Variants in TENM3 observed in about 807,000 individuals in gnomAD.
The protein encoded by TENM3 is teneurin-3.
TENM3 carries 63 observed loss-of-function variants against 255.1 expected under a neutral mutation model. The ratio of observed to expected loss-of-function variants is 0.25; its 90% confidence interval spans 0.20 to 0.30. The LOEUF (loss-of-function observed/expected upper bound fraction) is 0.30, where lower values mean the gene tolerates loss of function less well. Ranked by LOEUF, TENM3 falls within the 10% of genes least tolerant of loss-of-function variation. The pLI, the probability that TENM3 is intolerant of heterozygous loss-of-function variation, is 1.00. For missense variants in TENM3, 2,929 were observed against 3,461.1 expected (o/e 0.85, Z 3.86); for synonymous variants, 1,306 against 1,322.3 (o/e 0.99, Z 0.27).
intron 13 of TENM3, among the ~76,000 whole-genome samples, chr4:182,719,260 T>C (rs970615632): frequency 0.08 from 9,840 of 123,704 alleles, 595 homozygotes; most frequent in Non-Finnish European, 0.11. Flanking sequence ...TTCTTTTTTT[T>C]TTTTTTTTTT....
At chr4:181,803,868 A>G in the TENM3 span, among the ~76,000 whole-genome samples, 1 of 150,564 alleles carries the variant, frequency 6.6e-6, no homozygotes, top group Non-Finnish European at 1.5e-5. Context: ...CCAGGAGGTC[A>G]GCGCTGCAGT....
At chr4:181,758,182 T>C in the TENM3 span, among the ~76,000 whole-genome samples, 2 of 152,222 alleles carry the variant, frequency 1.3e-5, no homozygotes, top group Non-Finnish European at 2.9e-5. Context: ...TAAAAATGCT[T>C]AGTGAGAATC....
At position 182,161,837 on chromosome 4, in the gene TENM3, G is replaced by GTATATATATACAAATATATA. The variant is rs774667791; in HGVS notation, c.-76+17084_-76+17085insATATATATACAAATATATAT. The stretch of plus-strand genomic sequence containing the variant: ...TATGTATATATATACACATATATAT[G>GTATATATATACAAATATATA]TGTATATATACACAAATATATATGT... On this transcript the variant is annotated intron_variant, in intron 1 of 2. Coordinates refer to the TENM3 transcript ENST00000512480. 8.0e-5 allele frequency among the ~76,000 whole-genome samples: 2 copies of GTATATATATACAAATATATA among 25,044 alleles called. 1 individual carries two copies. The highest frequency in any genetic ancestry group is 1.6e-4 in the African/African-American group (2 of 12,428). 16.4% of individuals were successfully genotyped at this position (25,044 alleles called of 152,430 possible). A position where few individuals can be genotyped will look rare whatever the true frequency, so the allele number is the denominator to read the frequency against.
chr4:182,136,073 G>A, the TENM3 span, among the ~76,000 whole-genome samples: 1 of 152,050 alleles, frequency 6.6e-6, no homozygotes, highest in Non-Finnish European at 1.5e-5. Context: ...CTTTACTACT[G>A]AGCAGACCAT....
the TENM3 span, among the ~76,000 whole-genome samples, chr4:181,784,121 C>T: frequency 1.3e-5 from 2 of 150,796 alleles, no homozygotes; most frequent in Admixed American, 6.6e-5. Context: ...TAATGACATT[C>T]TTGTCTTATT....
chr4:181,539,428 T>G, the TENM3 span, among the ~76,000 whole-genome samples: 31,665 of 152,108 alleles, frequency 0.21, 3,343 homozygotes, highest in Middle Eastern at 0.28. Flanking sequence ...TTTTGAAAAA[T>G]AAAGTCTCAT....
the TENM3 span, among the ~76,000 whole-genome samples, chr4:181,708,577 T>A: frequency 2.6e-5 from 4 of 152,160 alleles, no homozygotes; most frequent in South Asian, 6.2e-4. Flanking sequence ...TGAAGGATTT[T>A]TTTTTTTTTT....
intron 3 of TENM3, among the ~76,000 whole-genome samples, chr4:182,364,848 C>T (rs1580307683): frequency 1.3e-5 from 2 of 152,276 alleles, no homozygotes; most frequent in Middle Eastern, 3.4e-3. Flanking sequence ...TTTGAACTTT[C>T]GCTACTATAA....
intron 2 of TENM3, among the ~76,000 whole-genome samples, chr4:182,325,222 A>G (rs1398087417): frequency 6.6e-6 from 1 of 152,262 alleles, no homozygotes; most frequent in East Asian, 1.9e-4. Context: ...AGACAGTGTG[A>G]CTAACAGTCT....
rs1761122167 is a variant in TENM3, at chr4:182,735,888, T to C, written c.2968-920T>C. On this transcript the variant is annotated intron_variant, in intron 16 of 27. Coordinates refer to ENST00000511685, the MANE Select transcript of TENM3 (RefSeq NM_001080477.4). ...TTTCTTAATATAAATATTGTCAGCA[T>C]ACACTGACTGGTAATCTATGGGGTT... 4.6e-5 allele frequency among the ~76,000 whole-genome samples: 7 copies of C among 152,346 alleles called. No individual in the cohort carries two copies. The South Asian group carries it at 1.4e-3, about 32-fold the overall frequency.
the TENM3 span, among the ~76,000 whole-genome samples, chr4:181,676,062 T>C: frequency 4.0e-5 from 6 of 149,750 alleles, no homozygotes; most frequent in African/African-American, 4.9e-5. Flanking sequence ...TAAAGTGTTA[T>C]GTGGGGCTGC....
intron 1 of TENM3, among the ~76,000 whole-genome samples, chr4:182,158,726 A>G (rs1428552023): frequency 2.0e-5 from 3 of 152,144 alleles, no homozygotes; most frequent in Admixed American, 6.5e-5. Flanking sequence ...CCCAGAGTCA[A>G]TACAAGGCTC....
intron 3 of TENM3, among the ~76,000 whole-genome samples, chr4:182,425,260 AT>A (rs1771117000): frequency 6.6e-6 from 1 of 152,144 alleles, no homozygotes; most frequent in Non-Finnish European, 1.5e-5. Context: ...TATGTTCATT[AT>A]TTTTATTTCT....
At chr4:182,397,595 T>C (rs1478598336) in intron 3 of TENM3, among the ~76,000 whole-genome samples, 1 of 152,010 alleles carries the variant, frequency 6.6e-6, no homozygotes, top group African/African-American at 2.4e-5. Context: ...TATCCCAGGC[T>C]GAGAAAGGTT....
the TENM3 span, among the ~76,000 whole-genome samples, chr4:181,537,169 G>C: frequency 1.3e-5 from 2 of 151,830 alleles, no homozygotes; most frequent in Middle Eastern, 3.4e-3. Context: ...GGCAGACTAA[G>C]GTTGGGCTTT....
At chr4:182,334,114 T>A (rs1561332875) in intron 2 of TENM3, among the ~76,000 whole-genome samples, 1 of 152,198 alleles carries the variant, frequency 6.6e-6, no homozygotes, top group Non-Finnish European at 1.5e-5. Flanking sequence ...ATATGTAAAC[T>A]GTTTAGAATA....
At chr4:182,041,162 A>G in the TENM3 span, among the ~76,000 whole-genome samples, 1 of 152,206 alleles carries the variant, frequency 6.6e-6, no homozygotes, top group African/African-American at 2.4e-5. Flanking sequence ...AAGATAGTCT[A>G]TTCCAGGCTA....
the TENM3 span, among the ~76,000 whole-genome samples, chr4:181,676,709 G>A: frequency 6.6e-6 from 1 of 152,110 alleles, no homozygotes; most frequent in Admixed American, 6.6e-5. Flanking sequence ...AATGAAAGGA[G>A]ATTATTTATT....
chr4:181,569,496 T>C, the TENM3 span, among the ~76,000 whole-genome samples: 2 of 152,212 alleles, frequency 1.3e-5, no homozygotes, highest in African/African-American at 4.8e-5. Flanking sequence ...GCCCATTTTC[T>C]AACTCATTTT....
Sources: gnomAD v4.1 joint callset for allele counts (sites outside exome capture counted in the v4.1 genomes callset) on GRCh38, gnomAD v4.1.1 for gene constraint, MANE v1.5 for transcripts, NCBI Gene and HGNC (gene_info 2026-07-23, HGNC 2026-07-21) for gene names.